Variants in XRCC5 observed in about 807,000 individuals in gnomAD.
XRCC5 encodes DNA repair protein Ku80.
XRCC5 carries 12 observed loss-of-function variants against 95.7 expected under a neutral mutation model. That is an observed-to-expected ratio of 0.13 (90% CI 0.08 to 0.20). XRCC5 has a LOEUF of 0.20. Among genes scored for constraint, XRCC5 ranks in the 10% least tolerant of loss-of-function variants. The pLI, the probability that XRCC5 is intolerant of heterozygous loss-of-function variation, is 1.00. For missense variants in XRCC5, 595 were observed against 873.9 expected, an observed-to-expected ratio of 0.68 and a Z score of 4.02; for synonymous variants, 281 against 290.3, an observed-to-expected ratio of 0.97 and a Z score of 0.33.
At chr2:216,133,922 A>G (rs1225588353) in intron 10 of XRCC5, among the ~76,000 whole-genome samples, 1 of 152,236 alleles carries the variant, frequency 6.6e-6, no homozygotes, top group Non-Finnish European at 1.5e-5. Context: ...GGCAGACATA[A>G]TAGCACTCTT....
chr2:216,196,632 G>A (rs1169798109), intron 19 of XRCC5, among the ~76,000 whole-genome samples: 1 of 152,182 alleles, frequency 6.6e-6, no homozygotes, highest in Non-Finnish European at 1.5e-5. Flanking sequence ...TGTAGGACAG[G>A]CTAGCAGGCT....
rs1012520863 is a variant in XRCC5 at position 216,109,350 on chromosome 2, T to C, written c.-87T>C. 5 of 1,603,566 alleles carry C rather than the reference T, an allele frequency of 3.1e-6. No homozygotes were observed. In the African/African-American group the frequency reaches 6.7e-5, roughly 22 times the overall value. The stretch of plus-strand genomic sequence containing the variant: ...CAGGAAACGAAGCGGCTCTTTCCGC[T>C]ATCTGCCGCTTGTCCACCGGAAGCG... On this transcript the variant is annotated 5_prime_UTR_variant, in exon 1 of 21. Transcript: ENST00000392132.
intron 12 of XRCC5, among the ~76,000 whole-genome samples, chr2:216,138,518 G>T (rs944955411): frequency 6.6e-6 from 1 of 152,234 alleles, no homozygotes; most frequent in Non-Finnish European, 1.5e-5. Context: ...TGACTTTAGT[G>T]TTCTGTGTAA....
At chr2:216,193,953 T>C (rs1449455170) in intron 18 of XRCC5, among the ~76,000 whole-genome samples, 2 of 152,198 alleles carry the variant, frequency 1.3e-5, no homozygotes. Context: ...TGATTAACTG[T>C]CCTAAATGAT....
intron 19 of XRCC5, among the ~76,000 whole-genome samples, chr2:216,203,244 C>A (rs923784853): frequency 1.3e-5 from 2 of 152,142 alleles, no homozygotes; most frequent in Non-Finnish European, 2.9e-5. Flanking sequence ...AGGGGCCAGT[C>A]AGTTGTGGTA....
At chr2:216,187,278 C>T (rs1294826689) in intron 16 of XRCC5, among the ~76,000 whole-genome samples, 1 of 151,254 alleles carries the variant, frequency 6.6e-6, no homozygotes, top group Admixed American at 6.6e-5. Flanking sequence ...TCCACATAGG[C>T]CCACAGATAC....
At chr2:216,195,738 T>C (rs1298275668) in intron 19 of XRCC5, among the ~76,000 whole-genome samples, 1 of 152,186 alleles carries the variant, frequency 6.6e-6, no homozygotes. Context: ...CAGTAGTCCT[T>C]CATTGTACCT....
chr2:216,135,047 A>G (rs565336133), intron 10 of XRCC5, among the ~76,000 whole-genome samples: 44 of 152,344 alleles, frequency 2.9e-4, no homozygotes, highest in African/African-American at 9.9e-4. Flanking sequence ...TGATTCTGTT[A>G]TGAAATCTGT....
intron 14 of XRCC5, among the ~76,000 whole-genome samples, chr2:216,156,114 T>C (rs887307814): frequency 1.3e-5 from 2 of 152,272 alleles, no homozygotes; most frequent in Admixed American, 6.5e-5. Context: ...GCCCTAGTTA[T>C]ATCTAAAGAA....
chr2:216,156,362 T>G (rs1688842655), intron 14 of XRCC5: 1 of 709,902 alleles, frequency 1.4e-6, no homozygotes, highest in African/African-American at 1.8e-5. Flanking sequence ...TCTGCTGTTG[T>G]GGGGTCTTTG....
At chr2:216,126,102 C>T in intron 7 of XRCC5, 71 bp downstream of exon 7, 1 of 1,224,958 alleles carries the variant, frequency 8.2e-7, no homozygotes, top group Non-Finnish European at 1.2e-6. Flanking sequence ...AAGGAACAGA[C>T]AATTCATGTG....
chr2:216,137,621 A>G (rs1041461024), intron 11 of XRCC5, among the ~76,000 whole-genome samples: 4 of 152,164 alleles, frequency 2.6e-5, no homozygotes, highest in African/African-American at 9.7e-5. Context: ...CTCCATTTTT[A>G]CAAATGAGAA....
At chr2:216,156,552 T>C (rs755060938) in intron 14 of XRCC5, 7 of 599,180 alleles carry the variant, frequency 1.2e-5, no homozygotes, top group Non-Finnish European at 2.3e-5. Flanking sequence ...TCCCGGTACT[T>C]GGTGAGGTTA....
At chr2:216,174,871 A>C (rs1689242491) in intron 16 of XRCC5, 1 of 303,998 alleles carries the variant, frequency 3.3e-6, no homozygotes, top group Non-Finnish European at 6.4e-6. Context: ...CCTGCTAAGA[A>C]TTGTAGCCCC....
intron 2 of XRCC5, among the ~76,000 whole-genome samples, chr2:216,115,590 T>C (rs1696681654): frequency 6.6e-6 from 1 of 152,226 alleles, no homozygotes; most frequent in Non-Finnish European, 1.5e-5. Context: ...AAATGAAGAA[T>C]GACAGAATTC....
rs56104281 is a variant in XRCC5, at chr2:216,195,025, A to G, written c.2109+39A>G. ...AACCTTTGTCTTTAGTTGAATTATTATAGTGGACTTTATTTTCTTGATACC... is the reference window on the plus strand; with the variant it reads ...AACCTTTGTCTTTAGTTGAATTATTGTAGTGGACTTTATTTTCTTGATACC... On this transcript the variant is annotated intron_variant, in intron 19 of 20. Coordinates refer to ENST00000392132, the MANE Select transcript of XRCC5 (RefSeq NM_021141.4). 2.1e-4 allele frequency: 338 copies of G among 1,590,016 alleles called. 3 individuals carry two copies. In the East Asian group the frequency reaches 7.4e-3, roughly 35 times the overall value.
At chr2:216,154,796 T>TA (rs2106023211) in intron 14 of XRCC5, among the ~76,000 whole-genome samples, 1 of 152,248 alleles carries the variant, frequency 6.6e-6, no homozygotes, top group Admixed American at 6.5e-5. Context: ...GACCCCCAAT[T>TA]AAAAAACGCT....
In XRCC5 at chr2:216,204,377, G is replaced by T; in HGVS notation, c.2165G>T (p.Gly722Val). 6.2e-7 allele frequency: 1 copy of T among 1,613,954 alleles called. No individual in the cohort carries two copies. The highest frequency in any genetic ancestry group is 8.5e-7 in the Non-Finnish European group (1 of 1,179,844). The change falls in exon 20 of 21, where the codon GGT becomes GTT. Residue 722 changes from glycine (G) to valine (V), a missense_variant. Physicochemically the swap from Gly to Val is moderately radical, Grantham distance 109. Coordinates refer to ENST00000392132, the MANE Select transcript of XRCC5 (RefSeq NM_021141.4). ...GACACAGCAGCTGTATTTGAAGAAG[G>T]TGGTGATGTGGACGATTTAGTAAGT... is the stretch of plus-strand genomic sequence containing the variant. ...SGDTAAVFEE[G>V]GDVDDLLDMI
chr2:216,182,668 A>T (rs953760415), intron 16 of XRCC5, among the ~76,000 whole-genome samples: 5 of 152,208 alleles, frequency 3.3e-5, no homozygotes, highest in Admixed American at 1.3e-4. Context: ...TCATTTAATT[A>T]GAAAGTCTTC....
Sources: allele counts gnomAD v4.1 joint callset (sites outside exome capture counted in the v4.1 genomes callset), GRCh38; gene constraint gnomAD v4.1.1; transcripts MANE v1.5; gene names NCBI Gene and HGNC (gene_info 2026-07-23, HGNC 2026-07-21).